The following SASH1 variants were observed in gnomAD, a reference collection of about 807,000 sequenced individuals.
SASH1 encodes the protein SAM and SH3 domain containing 1.
Under a neutral mutation model 125.2 loss-of-function variants are expected in SASH1, and 44 were observed. That is an observed-to-expected ratio of 0.35 (90% CI 0.28 to 0.45). SASH1 has a LOEUF of 0.45. Among genes scored for constraint, SASH1 ranks in the 20% least tolerant of loss-of-function variants. The pLI is 1.00. For missense variants in SASH1, 1,426 were observed against 1,614.5 expected (o/e 0.88, Z 2.00); for synonymous variants, 639 against 649.1 (o/e 0.98, Z 0.24).
the SASH1 span, among the ~76,000 whole-genome samples, chr6:148,199,091 A>G: frequency 6.6e-6 from 1 of 152,124 alleles, no homozygotes; most frequent in South Asian, 2.1e-4. Context: ...ATGAGAACTG[A>G]GCTTTGCTGG....
intron 1 of SASH1, among the ~76,000 whole-genome samples, chr6:148,284,347 G>A (rs2128506671): frequency 6.6e-6 from 1 of 152,256 alleles, no homozygotes; most frequent in Non-Finnish European, 1.5e-5. Context: ...GCTGAGGCAT[G>A]AGAATCGCTT....
chr6:148,363,550 G>A (rs950959522), intron 1 of SASH1, among the ~76,000 whole-genome samples: 10 of 151,942 alleles, frequency 6.6e-5, no homozygotes, highest in African/African-American at 2.4e-4. Context: ...ACAGGCGCCC[G>A]CCACCACACC....
chr6:148,544,709 C>T lies in SASH1; in HGVS notation c.3239C>T (p.Ala1080Val). The change falls in exon 18 of 20, where the codon GCT (alanine) becomes GTT (valine). Residue 1080 changes from alanine to valine, a missense_variant. This residue lies in a region of SASH1 where 634 missense variants were observed against 694.4 expected (regional missense o/e 0.91). Coordinates refer to ENST00000367467, the MANE Select transcript of SASH1 (RefSeq NM_015278.5). The surrounding 1 kb of genome is among the most constrained non-coding windows in gnomAD (Gnocchi z 6.4). ...GAGCACGGTGTGAAGCTGGGCCCGG[C>T]TTTGACCAGGAAGGTCTCCTGTGCC... The part of the protein sequence containing the change: ...LQEHGVKLGP[A>V]LTRKVSCARG... 6.2e-7 allele frequency: 1 copy of T among 1,611,368 alleles called. No individual in the cohort carries two copies. The highest frequency in any genetic ancestry group is 2.2e-5 in the East Asian group (1 of 44,806).
Position 148,453,814 on chromosome 6 carries a change from C to T in SASH1, c.386+13407C>T, listed in dbSNP as rs199568857. Among the ~76,000 whole-genome samples, 4 of 152,192 alleles carry T rather than the reference C, an allele frequency of 2.6e-5. No individual in the cohort carries two copies. The East Asian group carries it at 7.7e-4, about 29-fold the overall frequency. On this transcript the variant is annotated intron_variant, in intron 4 of 19. Coordinates refer to ENST00000367467, the MANE Select transcript of SASH1 (RefSeq NM_015278.5). ...GAACTGCAGAAGGAGGTATGGTGAA[C>T]CCCGCTTGGGGGATAGGCATGGTGC...
At chr6:148,368,542 A>T (rs757050800) in intron 1 of SASH1, among the ~76,000 whole-genome samples, 16 of 152,116 alleles carry the variant, frequency 1.1e-4, no homozygotes, top group Non-Finnish European at 2.1e-4. Context: ...AAGTGTTGGG[A>T]TTACGGGTGT....
intron 2 of SASH1, among the ~76,000 whole-genome samples, chr6:148,424,845 C>T (rs570179073): frequency 2.0e-5 from 3 of 152,270 alleles, no homozygotes; most frequent in South Asian, 2.1e-4. Context: ...AAGTGTGGCT[C>T]CTCAGCCTGT....
At chr6:148,468,723 A>G in intron 5 of SASH1, 138 bp downstream of exon 5, 1 of 577,466 alleles carries the variant, frequency 1.7e-6, no homozygotes, top group Non-Finnish European at 3.0e-6. Flanking sequence ...GTACATCCTT[A>G]TTCTCCTTTT....
Position 148,290,851 on chromosome 6 carries a change from A to G in SASH1, n.74+18474A>G, listed in dbSNP as rs1224261523. ...TGCCAAATCCCCCTCTCCGAGAAAC[A>G]CCCAAGAATGATCAATAAATACTAA... is the stretch of plus-strand genomic sequence containing the variant. On this transcript the variant is annotated intron_variant and non_coding_transcript_variant, in intron 1 of 3. Coordinates refer to the SASH1 transcript ENST00000367469. Among the ~76,000 whole-genome samples, 18 of 145,480 alleles carry G rather than the reference A, an allele frequency of 1.2e-4. No individual in the cohort carries two copies. The Admixed American group carries it at 1.3e-3, about 10-fold the overall frequency.
chr6:148,270,116 C>G (rs1238799539), upstream of SASH1, among the ~76,000 whole-genome samples: 2 of 152,224 alleles, frequency 1.3e-5, no homozygotes, highest in Non-Finnish European at 2.9e-5. Context: ...GTTGCTGGGA[C>G]AGCAAGAGGA....
chr6:148,523,230 A>C (rs896164478), intron 10 of SASH1, among the ~76,000 whole-genome samples: 1 of 152,226 alleles, frequency 6.6e-6, no homozygotes, highest in Non-Finnish European at 1.5e-5. Context: ...TACAATGATG[A>C]GGCATCTGGG....
At chr6:148,528,589 C>T (rs558802637) in intron 12 of SASH1, among the ~76,000 whole-genome samples, 16 of 152,236 alleles carry the variant, frequency 1.1e-4, no homozygotes, top group African/African-American at 3.1e-4. Context: ...GTGGTTCTCA[C>T]GGGGAAGGGG....
At chr6:148,305,755 G>A (rs1780113129) in intron 1 of SASH1, among the ~76,000 whole-genome samples, 1 of 151,986 alleles carries the variant, frequency 6.6e-6, no homozygotes, top group African/African-American at 2.4e-5. Context: ...CTATTTAACA[G>A]AGCTGTGGGC....
chr6:148,521,710 G>T (rs1328606601), intron 10 of SASH1, among the ~76,000 whole-genome samples: 1 of 152,150 alleles, frequency 6.6e-6, no homozygotes, highest in African/African-American at 2.4e-5. Flanking sequence ...TCAGCCTCTG[G>T]TTTGCTCTGA....
chr6:148,290,945 T>C (rs749075707), intron 1 of SASH1, among the ~76,000 whole-genome samples: 1 of 150,164 alleles, frequency 6.7e-6, no homozygotes, highest in African/African-American at 2.5e-5. Flanking sequence ...TTATGTTTTA[T>C]GAAAGAGATA....
At chr6:148,197,134 G>A in the SASH1 span, among the ~76,000 whole-genome samples, 2 of 152,188 alleles carry the variant, frequency 1.3e-5, no homozygotes, top group African/African-American at 2.4e-5. Flanking sequence ...AGCATTTAGG[G>A]AAAATGAGTC....
At chr6:148,523,516 A>G (rs780367574) in intron 10 of SASH1, among the ~76,000 whole-genome samples, 1 of 152,218 alleles carries the variant, frequency 6.6e-6, no homozygotes, top group Non-Finnish European at 1.5e-5. Context: ...GATATTTAAT[A>G]CAGAATTAGG....
rs1781402340 is a variant in SASH1, at chr6:148,343,238, G to GA, written c.156+16dup. Reference sequence around the variant, plus strand: ...TGGGTATCCTGGTAAGTTACCTGGGGAGGGGGCGGCGCAGGAAGTACAGTT... The same window carrying GA: ...TGGGTATCCTGGTAAGTTACCTGGGGAAGGGGGCGGCGCAGGAAGTACAGTT... On this transcript the variant is annotated intron_variant, in intron 1 of 19. Coordinates refer to ENST00000367467, the MANE Select transcript of SASH1 (RefSeq NM_015278.5). The GA allele has an allele frequency of 6.3e-7, 1 of 1,581,268 alleles. No homozygotes were observed. Among genetic ancestry groups the GA allele is most frequent in the African/African-American group, 1.4e-5 (1 of 73,970 alleles).
At chr6:148,214,260 T>TA in the SASH1 span, among the ~76,000 whole-genome samples, 48 of 152,098 alleles carry the variant, frequency 3.2e-4, no homozygotes, top group Non-Finnish European at 2.5e-4. Flanking sequence ...GACGTGAAGT[T>TA]AAAAAAATAG....
rs1162225428 is a variant in SASH1 at position 148,334,427 on chromosome 6, C to CA, written n.75-55686dup. 3.4e-3 allele frequency among the ~76,000 whole-genome samples: 216 copies of CA among 63,656 alleles called. 6 individuals carry two copies. The highest frequency in any genetic ancestry group is 9.2e-3 in the African/African-American group (141 of 15,360). 41.8% of individuals were successfully genotyped at this position (63,656 alleles called of 152,430 possible). A position where few individuals can be genotyped will look rare whatever the true frequency, so the allele number is the denominator to read the frequency against. Reference sequence around the variant, plus strand: ...TGGGCCACAGAGCGAGACTCCGTCTCAAAAAAAAAAAAAAAAAAAAAGAGA... The same window carrying CA: ...TGGGCCACAGAGCGAGACTCCGTCTCAAAAAAAAAAAAAAAAAAAAAAGAGA... On this transcript the variant is annotated intron_variant and non_coding_transcript_variant, in intron 1 of 3. Coordinates refer to the SASH1 transcript ENST00000367469.
Sources: allele counts gnomAD v4.1 joint callset (sites outside exome capture counted in the v4.1 genomes callset), GRCh38; gene constraint gnomAD v4.1.1; regional missense constraint gnomAD v4.1.1; non-coding constraint Gnocchi (gnomAD v3.1); transcripts MANE v1.5; gene names NCBI Gene and HGNC (gene_info 2026-07-23, HGNC 2026-07-21).